Variants in DROSHA observed in about 807,000 individuals in gnomAD.
DROSHA encodes the protein drosha ribonuclease III.
In DROSHA, 56 loss-of-function variants were observed where a neutral mutation model predicts 181.9. The ratio of observed to expected loss-of-function variants is 0.31; its 90% CI spans 0.25 to 0.38. The LOEUF is 0.38. DROSHA is among the 10% of genes least tolerant of loss of function. The pLI is 1.00. For synonymous variants in DROSHA, 524 were observed against 591.2 expected (o/e 0.89, Z 1.65); for missense variants, 1,218 against 1,743.5 (o/e 0.70, Z 5.37).
chr5:31,496,747 T>G (rs1753031432), intron 11 of DROSHA, among the ~76,000 whole-genome samples: 1 of 152,148 alleles, frequency 6.6e-6, no homozygotes, highest in Non-Finnish European at 1.5e-5. Flanking sequence ...TCATGAGAGA[T>G]CTTACCATCT....
chr5:31,430,424 A>G (rs1744037872), intron 26 of DROSHA, among the ~76,000 whole-genome samples: 1 of 152,104 alleles, frequency 6.6e-6, no homozygotes. Context: ...ATTTGGGGGG[A>G]CAGCTTAAGG....
chr5:31,422,752 G>A (rs754488082), intron 29 of DROSHA, 35 bp downstream of exon 29: 3 of 1,610,874 alleles, frequency 1.9e-6, no homozygotes, highest in Middle Eastern at 1.7e-4. Flanking sequence ...CATCTAAATG[G>A]TCACATTGGG....
intron 23 of DROSHA, among the ~76,000 whole-genome samples, chr5:31,442,065 C>A (rs1291770166): frequency 1.3e-5 from 2 of 152,112 alleles, no homozygotes; most frequent in Non-Finnish European, 2.9e-5. Flanking sequence ...ACCTTAATTT[C>A]TTTTATAAAC....
At chr5:31,410,319 C>T (rs112138147) in intron 31 of DROSHA, among the ~76,000 whole-genome samples, 73 of 152,226 alleles carry the variant, frequency 4.8e-4, no homozygotes, top group African/African-American at 1.7e-3. Context: ...GACATTTGTC[C>T]GCAGAGCTTT....
At position 31,528,018 on chromosome 5, in the gene DROSHA, G is replaced by A. The variant is rs565680438; in HGVS notation, c.20+1022C>T. ...CCCCAGCCCCCACCCCCATGGATGC[G>A]TTTCTTGGCTTCCTGACATGATGCC... On this transcript the variant is annotated intron_variant, in intron 4 of 35. Coordinates refer to ENST00000344624, the MANE Select transcript of DROSHA (RefSeq NM_001382508.1). Among the ~76,000 whole-genome samples the A allele has an allele frequency of 8.5e-5, 13 of 152,096 alleles. No homozygotes were observed. The South Asian group carries it at 1.2e-3, about 15-fold the overall frequency.
intron 3 of DROSHA, 103 bp from the exon 4 acceptor site, chr5:31,529,208 A>AGATC: frequency 1.0e-6 from 1 of 955,886 alleles, no homozygotes; most frequent in Non-Finnish European, 1.6e-6. Flanking sequence ...GTAGTTTCCA[A>AGATC]TACACTTAGC....
intron 11 of DROSHA, among the ~76,000 whole-genome samples, chr5:31,504,144 A>G (rs7737174): frequency 0.33 from 50,051 of 152,034 alleles, 8,490 homozygotes; most frequent in East Asian, 0.58. Flanking sequence ...AAAATAGTCA[A>G]TATATATTCA....
At chr5:31,505,258 C>T (rs1032484413) in intron 10 of DROSHA, among the ~76,000 whole-genome samples, 1 of 152,092 alleles carries the variant, frequency 6.6e-6, no homozygotes, top group Non-Finnish European at 1.5e-5. Context: ...TAAAGAGCAC[C>T]GGGTCCGTGT....
intron 11 of DROSHA, among the ~76,000 whole-genome samples, chr5:31,503,464 A>C (rs2150049529): frequency 6.6e-6 from 1 of 152,108 alleles, no homozygotes; most frequent in East Asian, 1.9e-4. Flanking sequence ...CCAAATGTGC[A>C]CTGTGTAGTC....
At chr5:31,508,034 TC>T in intron 10 of DROSHA, among the ~76,000 whole-genome samples, 1 of 152,350 alleles carries the variant, frequency 6.6e-6, no homozygotes, top group East Asian at 1.9e-4. Flanking sequence ...TGCCTTAGCT[TC>T]CTAACTTTAC....
intron 16 of DROSHA, among the ~76,000 whole-genome samples, chr5:31,478,333 T>C (rs1409247866): frequency 1.3e-5 from 2 of 152,164 alleles, no homozygotes; most frequent in Non-Finnish European, 2.9e-5. Flanking sequence ...AAACTCAAAA[T>C]GTTTTACGAA....
intron 23 of DROSHA, among the ~76,000 whole-genome samples, chr5:31,437,585 A>C (rs930448956): frequency 3.3e-5 from 5 of 152,052 alleles, no homozygotes; most frequent in African/African-American, 1.2e-4. Flanking sequence ...TCTCACTAAC[A>C]ATCGTGAGTA....
intron 23 of DROSHA, among the ~76,000 whole-genome samples, chr5:31,446,233 T>C (rs1746238832): frequency 6.6e-6 from 1 of 151,264 alleles, no homozygotes; most frequent in African/African-American, 2.4e-5. Context: ...GATCACAAGG[T>C]CAGGACATCA....
At chr5:31,515,611 G>A (rs1449629116) in intron 6 of DROSHA, 47 bp from the exon 7 acceptor site, 6 of 1,547,258 alleles carry the variant, frequency 3.9e-6, no homozygotes, top group African/African-American at 1.4e-5. Flanking sequence ...GTCCACATAT[G>A]GACAATTTCA....
At chr5:31,457,445 A>G (rs1277660852) in intron 20 of DROSHA, among the ~76,000 whole-genome samples, 1 of 152,136 alleles carries the variant, frequency 6.6e-6, no homozygotes, top group Non-Finnish European at 1.5e-5. Context: ...CCATTTTTAA[A>G]AGATAGTTAC....
At chr5:31,463,665 A>G (rs1379569645) in intron 20 of DROSHA, among the ~76,000 whole-genome samples, 2 of 152,242 alleles carry the variant, frequency 1.3e-5, no homozygotes, top group African/African-American at 4.8e-5. Flanking sequence ...ACCCATAGGA[A>G]AAACAAAAAT....
intron 34 of DROSHA, 33 bp downstream of exon 34, chr5:31,406,819 AT>A: frequency 6.3e-7 from 1 of 1,594,078 alleles, no homozygotes. Context: ...CAGGATGTTC[AT>A]TCAAAGCAAT....
chr5:31,464,774 A>T lies in DROSHA; in HGVS notation c.2467-431T>A, dbSNP rs1748815626. Among the ~76,000 whole-genome samples, 3 of 152,210 alleles carry T rather than the reference A, an allele frequency of 2.0e-5. No homozygotes were observed. In the South Asian group the frequency reaches 6.2e-4, roughly 32 times the overall value. ...GTTGCCTTCTAACTTGCAAACCCTT[A>T]TAAAAACTCTTGCTACAATGGCATA... On this transcript the variant is annotated intron_variant, in intron 19 of 35. Transcript: ENST00000344624.
At chr5:31,502,156 C>A (rs1044864307) in intron 11 of DROSHA, among the ~76,000 whole-genome samples, 1 of 152,250 alleles carries the variant, frequency 6.6e-6, no homozygotes, top group Non-Finnish European at 1.5e-5. Context: ...TTGTTCCAAC[C>A]TGCTTACACA....
Sources: allele counts gnomAD v4.1 joint callset (sites outside exome capture counted in the v4.1 genomes callset), GRCh38; gene constraint gnomAD v4.1.1; transcripts MANE v1.5; gene names NCBI Gene and HGNC (gene_info 2026-07-23, HGNC 2026-07-21).